BIRC6: variants seen among roughly 807,000 people sequenced by gnomAD.
The protein encoded by BIRC6 is dual E2 ubiquitin-conjugating enzyme/E3 ubiquitin-protein ligase BIRC6.
In BIRC6, 98 loss-of-function variants were observed where a neutral mutation model predicts 503.3. The ratio of observed to expected loss-of-function variants is 0.19; its 90% CI spans 0.17 to 0.23. BIRC6 has a LOEUF of 0.23. Among genes scored for constraint, BIRC6 ranks in the 10% least tolerant of loss-of-function variants. The probability of loss-of-function intolerance (pLI) is 1.00; values close to 1 mark genes in which losing one functional copy is unlikely to be tolerated. For missense variants in BIRC6, 5,360 were observed against 5,806.0 expected (o/e 0.92, Z 2.50); for synonymous variants, 2,240 against 2,078.7 (o/e 1.08, Z -2.11).
intron 1 of BIRC6, 68 bp from the exon 2 acceptor site, chr2:32,377,520 T>G: frequency 7.6e-7 from 1 of 1,312,214 alleles, no homozygotes; most frequent in Non-Finnish European, 1.0e-6. Flanking sequence ...AGTCACTATG[T>G]AAACATTTAT....
chr2:32,578,899 G>C (rs1326354963), intron 66 of BIRC6, among the ~76,000 whole-genome samples: 1 of 148,168 alleles, frequency 6.7e-6, no homozygotes, highest in Non-Finnish European at 1.5e-5. Context: ...AAATCCAAGG[G>C]TGAATAAAGT....
rs1239425900 is a variant in BIRC6 at position 32,535,487 on chromosome 2, T to C, written c.12291+3936T>C. ...CCCCACAACAGGCCCCGGTGTGTGA[T>C]GTTCCCCTTCCCTGTGTCCATGTGT... On this transcript the variant is annotated intron_variant, in intron 61 of 73. Coordinates refer to ENST00000421745, the MANE Select transcript of BIRC6 (RefSeq NM_016252.4). Among the ~76,000 whole-genome samples the C allele has an allele frequency of 3.3e-5, 5 of 152,276 alleles. No homozygotes were observed. In the East Asian group the frequency reaches 9.7e-4, roughly 29 times the overall value.
chr2:32,540,353 T>C (rs1368970467), intron 61 of BIRC6, among the ~76,000 whole-genome samples: 1 of 152,106 alleles, frequency 6.6e-6, no homozygotes, highest in Non-Finnish European at 1.5e-5. Flanking sequence ...TCGTAATTCC[T>C]AAAAGCCTGT....
chr2:32,357,476 C>G lies in BIRC6; in HGVS notation c.315C>G (p.Ser105=). The part of the protein sequence containing the change: ...DGTSGATLQA[S]ALSAKPGGQV... ...CCTCGGGGGCCACACTGCAGGCCTC[C>G]GCGCTCAGTGGTGAGTCTTCCGCAC... The change falls in exon 1 of 74, where the codon TCC becomes TCG. Residue 105 remains serine, a synonymous_variant. Transcript: ENST00000421745. The surrounding 1 kb of genome is among the most constrained non-coding windows in gnomAD (Gnocchi z 4.9). 1 of 1,548,986 alleles carries G rather than the reference C, an allele frequency of 6.5e-7. No homozygotes were observed. Among genetic ancestry groups the G allele is most frequent in the Non-Finnish European group, 8.7e-7 (1 of 1,146,608 alleles).
chr2:32,488,495 G>A (rs1185765493), intron 41 of BIRC6, 93 bp from the exon 42 acceptor site: 41 of 1,099,344 alleles, frequency 3.7e-5, no homozygotes, highest in Non-Finnish European at 4.7e-5. Flanking sequence ...TTATTTACTC[G>A]TGACAAGAAT....
chr2:32,400,082 C>T (rs1028929483), intron 6 of BIRC6, among the ~76,000 whole-genome samples: 3 of 152,130 alleles, frequency 2.0e-5, no homozygotes, highest in Non-Finnish European at 2.9e-5. Flanking sequence ...GTGTGAGCCA[C>T]GGTGCCCAGC....
Position 32,505,109 on chromosome 2 carries a change from C to A in BIRC6, c.9604C>A (p.Leu3202Ile), listed in dbSNP as rs1186492616. 1 of 1,610,708 alleles carries A rather than the reference C, an allele frequency of 6.2e-7. No homozygotes were observed. The highest frequency in any genetic ancestry group is 8.5e-7 in the Non-Finnish European group (1 of 1,178,452). Residue 3202 changes from leucine (L) to isoleucine (I), a missense_variant, in exon 50 of 74, where the codon CTT becomes ATT. Leu to Ile is a conservative substitution (Grantham distance 5). This residue lies in a region of BIRC6 where 267 missense variants were observed against 287.6 expected (regional missense o/e 0.93). Coordinates refer to ENST00000421745, the MANE Select transcript of BIRC6 (RefSeq NM_016252.4). Reference sequence around the variant, plus strand: ...CTCTGCTGCTTGGTCCTACATCTTTCTTCCAGAGGAGGCTTGGTGTGACCT... The same window carrying A: ...CTCTGCTGCTTGGTCCTACATCTTTATTCCAGAGGAGGCTTGGTGTGACCT... ...ARSAAWSYIFLPEEAWCDLTI... is the reference protein window; with the variant it reads ...ARSAAWSYIFIPEEAWCDLTI...
Position 32,414,846 on chromosome 2 carries a change from C to T in BIRC6, c.1555C>T (p.Leu519Phe). ...CAGCATTCTCCAACAGCCAGAAAAA[C>T]TTCAGTGGGAGATTGTTGCAAATGT... is the stretch of plus-strand genomic sequence containing the variant. ...ALSILQQPEK[L>F]QWEIVANVLE... The change falls in exon 10 of 74, where the codon CTT (leucine) becomes TTT (phenylalanine). Residue 519 changes from leucine to phenylalanine, a missense_variant. Transcript: ENST00000421745. 6.2e-7 allele frequency: 1 copy of T among 1,613,936 alleles called. No homozygotes were observed. The highest frequency in any genetic ancestry group is 8.5e-7 in the Non-Finnish European group (1 of 1,179,882).
chr2:32,358,167 C>T (rs1016194004), intron 1 of BIRC6, among the ~76,000 whole-genome samples: 12 of 152,148 alleles, frequency 7.9e-5, no homozygotes, highest in Non-Finnish European at 4.4e-5. Flanking sequence ...TCCCCTTGCT[C>T]GGGGCTTCCA....
intron 1 of BIRC6, among the ~76,000 whole-genome samples, chr2:32,375,743 C>CTCTTTTTT (rs1432305814): frequency 3.6e-5 from 5 of 138,376 alleles, no homozygotes; most frequent in African/African-American, 8.1e-5. Flanking sequence ...CTTTCTCTCT[C>CTCTTTTTT]TTTTTTTTTT....
At chr2:32,516,974 A>G (rs2055119755) in intron 55 of BIRC6, among the ~76,000 whole-genome samples, 1 of 152,312 alleles carries the variant, frequency 6.6e-6, no homozygotes, top group African/African-American at 2.4e-5. Flanking sequence ...GTCAAACTTT[A>G]GTAGTACCTA....
At chr2:32,598,026 C>T in intron 69 of BIRC6, 58 bp downstream of exon 69, 3 of 1,381,260 alleles carry the variant, frequency 2.2e-6, no homozygotes, top group Non-Finnish European at 2.0e-6. Flanking sequence ...TCTAATTACT[C>T]AAATTTTTAT....
At chr2:32,420,632 G>C (rs922169136) in intron 10 of BIRC6, among the ~76,000 whole-genome samples, 1 of 152,052 alleles carries the variant, frequency 6.6e-6, no homozygotes, top group Non-Finnish European at 1.5e-5. Flanking sequence ...TGTCACCTCA[G>C]CCTCCCGAGT....
intron 10 of BIRC6, among the ~76,000 whole-genome samples, chr2:32,424,459 T>C (rs1406202722): frequency 1.3e-5 from 2 of 152,032 alleles, no homozygotes; most frequent in Non-Finnish European, 1.5e-5. Flanking sequence ...TTTTCAGTTG[T>C]TTTGGGTATA....
intron 4 of BIRC6, among the ~76,000 whole-genome samples, chr2:32,391,147 C>A (rs942904733): frequency 6.6e-6 from 1 of 152,130 alleles, no homozygotes; most frequent in Non-Finnish European, 1.5e-5. Flanking sequence ...TGCAGTGTTT[C>A]TAAAGAAATC....
chr2:32,459,619 G>A (rs1254402143), intron 23 of BIRC6, among the ~76,000 whole-genome samples: 2 of 152,024 alleles, frequency 1.3e-5, no homozygotes, highest in East Asian at 3.9e-4. Context: ...CAGTTTAGGA[G>A]AATTGGCATC....
chr2:32,488,547 A>G (rs1464320785), intron 41 of BIRC6, 41 bp from the exon 42 acceptor site: 2 of 1,461,206 alleles, frequency 1.4e-6, no homozygotes, highest in East Asian at 2.5e-5. Context: ...TCATATTATA[A>G]TAGGTACATT....
chr2:32,617,977 A>AT lies in BIRC6; in HGVS notation c.*73_*74insT. ...CCAAATATGTCAATATTTGTATGTA[A>AT]GAAACTAATTATGTAATAGGTAATG... On this transcript the variant is annotated 3_prime_UTR_variant, in exon 74 of 74. Coordinates refer to ENST00000421745, the MANE Select transcript of BIRC6 (RefSeq NM_016252.4). 1 of 1,410,150 alleles carries AT rather than the reference A, an allele frequency of 7.1e-7. No individual in the cohort carries two copies. The highest frequency in any genetic ancestry group is 9.6e-7 in the Non-Finnish European group (1 of 1,038,442). 87.4% of individuals were successfully genotyped at this position (1,410,150 alleles called of 1,614,324 possible).
chr2:32,543,345 A>G lies in BIRC6; in HGVS notation c.12396A>G (p.Ala4132=). The change falls in exon 62 of 74, where the codon GCA becomes GCG. Residue 4132 remains alanine (A), a synonymous_variant. Transcript: ENST00000421745. ...IEQSGELVYE[A]PETVAAEPPP... ...AGTCAGGGGAGTTAGTTTATGAAGC[A>G]CCAGAAACTGTTGCGGCTGAACCTC... The G allele has an allele frequency of 6.2e-7, 1 of 1,614,006 alleles. No homozygotes were observed. Among genetic ancestry groups the G allele is most frequent in the South Asian group, 1.1e-5 (1 of 91,082 alleles).
Sources: gnomAD v4.1 joint callset for allele counts (sites outside exome capture counted in the v4.1 genomes callset) on GRCh38, gnomAD v4.1.1 for gene constraint, gnomAD v4.1.1 regional missense constraint, Gnocchi (gnomAD v3.1) non-coding constraint, MANE v1.5 for transcripts, NCBI Gene and HGNC (gene_info 2026-07-23, HGNC 2026-07-21) for gene names.